CSMD3: variants seen among roughly 807,000 people sequenced by gnomAD.
The protein encoded by CSMD3 is CUB and Sushi multiple domains 3, also known as CUB and sushi domain-containing protein 3.
A neutral mutation model predicts 435.2 loss-of-function variants in CSMD3; 177 were observed. That is an observed-to-expected ratio of 0.41 (90% CI 0.36 to 0.46). The LOEUF (loss-of-function observed/expected upper bound fraction) is 0.46. CSMD3 is among the 20% of genes least tolerant of loss of function. CSMD3 has a pLI of 0.34. For missense variants in CSMD3, 4,265 were observed against 4,504.6 expected (o/e 0.95, Z 1.52); for synonymous variants, 1,656 against 1,520.5 (o/e 1.09, Z -2.07).
chr8:113,225,945 TAGTG>T (rs1377202356), intron 3 of CSMD3, among the ~76,000 whole-genome samples: 1 of 151,452 alleles, frequency 6.6e-6, no homozygotes, highest in Admixed American at 6.6e-5. Context: ...GTCCTCATGA[TAGTG>T]AGTGACTTCT....
chr8:112,912,061 A>T (rs1455399778), intron 10 of CSMD3, among the ~76,000 whole-genome samples: 2 of 148,432 alleles, frequency 1.3e-5, no homozygotes, highest in Non-Finnish European at 3.0e-5. Flanking sequence ...CAATTATTTG[A>T]TTTTTTTAAG....
intron 1 of CSMD3, chr8:113,376,941 G>T (rs1028586833): frequency 6.7e-7 from 1 of 1,486,068 alleles, no homozygotes; most frequent in Non-Finnish European, 9.1e-7. Flanking sequence ...ATGACGTGCG[G>T]GTTCAGGAGG....
intron 23 of CSMD3, 27 bp downstream of exon 23, chr8:112,587,039 T>C (rs768653418): frequency 1.3e-6 from 2 of 1,548,812 alleles, no homozygotes; most frequent in African/African-American, 1.4e-5. Flanking sequence ...AAATGAACAA[T>C]ATACAAGTAT....
intron 10 of CSMD3, among the ~76,000 whole-genome samples, chr8:112,912,863 A>G (rs1215125189): frequency 6.6e-6 from 1 of 152,054 alleles, no homozygotes; most frequent in Non-Finnish European, 1.5e-5. Flanking sequence ...AAAACATCTT[A>G]ATGGCAAGAA....
At chr8:112,589,448 C>T (rs1005093464) in intron 22 of CSMD3, among the ~76,000 whole-genome samples, 4 of 152,078 alleles carry the variant, frequency 2.6e-5, no homozygotes, top group Non-Finnish European at 4.4e-5. Flanking sequence ...TTTTCAGTAT[C>T]CGGTGGCTGT....
At chr8:112,859,882 T>A (rs570880157) in intron 10 of CSMD3, among the ~76,000 whole-genome samples, 1 of 151,960 alleles carries the variant, frequency 6.6e-6, no homozygotes, top group Non-Finnish European at 1.5e-5. Flanking sequence ...ACTGTTTCTG[T>A]TTCTTGCTTC....
At chr8:113,159,836 T>C (rs1304580727) in intron 4 of CSMD3, among the ~76,000 whole-genome samples, 1 of 151,972 alleles carries the variant, frequency 6.6e-6, no homozygotes, top group Non-Finnish European at 1.5e-5. Flanking sequence ...AGTTGATCAG[T>C]TGATTAACTC....
At chr8:112,543,129 C>G (rs1826837573) in intron 27 of CSMD3, among the ~76,000 whole-genome samples, 3 of 151,996 alleles carry the variant, frequency 2.0e-5, no homozygotes, top group Admixed American at 6.6e-5. Context: ...AACGCCAGAC[C>G]TGAAACTGTA....
intron 30 of CSMD3, among the ~76,000 whole-genome samples, chr8:112,493,110 G>A (rs560247678): frequency 6.6e-6 from 1 of 151,916 alleles, no homozygotes; most frequent in African/African-American, 2.4e-5. Flanking sequence ...CTTTTTGGGG[G>A]GGCTCAAAGT....
chr8:113,401,438 G>C (rs1015040504), intron 1 of CSMD3, among the ~76,000 whole-genome samples: 3 of 151,484 alleles, frequency 2.0e-5, no homozygotes, highest in Non-Finnish European at 3.0e-5. Flanking sequence ...TAGGTAAAGG[G>C]CATTTAAATT....
chr8:112,236,113 G>A (rs1449502861), intron 67 of CSMD3, among the ~76,000 whole-genome samples: 4 of 150,896 alleles, frequency 2.7e-5, no homozygotes, highest in Non-Finnish European at 4.4e-5. Context: ...TGTGTTTAAC[G>A]GAGGATCATT....
At chr8:112,933,218 T>C (rs1050427561) in intron 9 of CSMD3, among the ~76,000 whole-genome samples, 1 of 152,054 alleles carries the variant, frequency 6.6e-6, no homozygotes, top group African/African-American at 2.4e-5. Flanking sequence ...TATCAAGTGG[T>C]GTATAATGAT....
intron 42 of CSMD3, among the ~76,000 whole-genome samples, chr8:112,339,693 G>C (rs891657594): frequency 1.3e-5 from 2 of 152,128 alleles, no homozygotes; most frequent in African/African-American, 4.8e-5. Context: ...TCCTTCAGTA[G>C]ATGGGTACTC....
intron 27 of CSMD3, among the ~76,000 whole-genome samples, chr8:112,527,191 C>T (rs1054331376): frequency 5.9e-5 from 9 of 151,612 alleles, no homozygotes; most frequent in Admixed American, 4.6e-4. Flanking sequence ...AATCAAGATG[C>T]AACCATAAGC....
chr8:112,913,935 T>C lies in CSMD3; in HGVS notation c.1633+7692A>G, dbSNP rs74732140. Among the ~76,000 whole-genome samples the C allele has an allele frequency of 3.4e-3, 517 of 152,096 alleles. 16 individuals are homozygous for C. In the East Asian group the frequency reaches 0.069, roughly 20 times the overall value. On this transcript the variant is annotated intron_variant, in intron 10 of 70. Transcript: ENST00000297405. ...TTCTGCAGTAGCTCTTATTGTGATATATAGTAATGCATACTTTTTCGTTGC... is the reference window on the plus strand; with the variant it reads ...TTCTGCAGTAGCTCTTATTGTGATACATAGTAATGCATACTTTTTCGTTGC...
intron 2 of CSMD3, chr8:113,310,526 A>G (rs2132648156): frequency 6.6e-6 from 1 of 152,072 alleles, no homozygotes; most frequent in Non-Finnish European, 1.5e-5. Context: ...ATATTGATAC[A>G]TAGACAAAAA....
intron 3 of CSMD3, among the ~76,000 whole-genome samples, chr8:113,275,957 A>AG (rs2093566270): frequency 6.6e-6 from 1 of 152,112 alleles, no homozygotes; most frequent in African/African-American, 2.4e-5. Flanking sequence ...AGGTAACTGC[A>AG]GAAAAAAAAC....
At position 113,067,662 on chromosome 8, in the gene CSMD3, G is replaced by A. The variant is rs188411462; in HGVS notation, c.917+31094C>T. On this transcript the variant is annotated intron_variant, in intron 5 of 70. Coordinates refer to ENST00000297405, the MANE Select transcript of CSMD3 (RefSeq NM_198123.2). ...GACACTAAAATATTTATAAGTTGAC[G>A]GAAAATTTTACAGCAGAAAGTAACA... 9.2e-5 allele frequency among the ~76,000 whole-genome samples: 14 copies of A among 152,032 alleles called. No individual in the cohort carries two copies. The South Asian group carries it at 1.0e-3, about 11-fold the overall frequency.
intron 4 of CSMD3, among the ~76,000 whole-genome samples, chr8:113,156,753 T>TA (rs1188154489): frequency 6.7e-6 from 1 of 148,816 alleles, no homozygotes; most frequent in Non-Finnish European, 1.5e-5. Context: ...AATAAATAAA[T>TA]AAATAAATAA....
Sources: allele counts gnomAD v4.1 joint callset (sites outside exome capture counted in the v4.1 genomes callset), GRCh38; gene constraint gnomAD v4.1.1; transcripts MANE v1.5; gene names NCBI Gene and HGNC (gene_info 2026-07-23, HGNC 2026-07-21).